Variants in ASB11 observed in about 807,000 individuals in gnomAD.
ASB11 encodes the protein ankyrin repeat and SOCS box containing 11, also known as ankyrin repeat and SOCS box protein 11.
A neutral mutation model predicts 20.1 loss-of-function variants in ASB11; 17 were observed. The observed-to-expected ratio is 0.85, with a 90% CI of 0.58 to 1.27. The LOEUF (loss-of-function observed/expected upper bound fraction) is 1.27. Among genes scored for constraint, ASB11 ranks in the 50% most tolerant of loss-of-function variants. ASB11 has a pLI of 0.00. For missense variants in ASB11, 259 were observed against 256.9 expected (o/e 1.01, Z -0.06); for synonymous variants, 107 against 105.6 (o/e 1.01, Z -0.08).
At position 15,283,509 on chromosome X, in the gene ASB11, T is replaced by A; in HGVS notation, c.968A>T (p.Gln323Leu). 5.0e-6 allele frequency: 6 copies of A among 1,210,653 alleles called. No individual in the cohort carries two copies. The highest frequency in any genetic ancestry group is 6.7e-6 in the Non-Finnish European group (6 of 894,903). ...PEPLERFLLY[Q>L] ...TCTTCCCAGGAACACTTAGGACTATTGGTATAGGAGGAATCGTTCGAGTGG... is the reference window on the plus strand; with the variant it reads ...TCTTCCCAGGAACACTTAGGACTATAGGTATAGGAGGAATCGTTCGAGTGG... Residue 323 changes from glutamine to leucine, a missense_variant, in exon 7 of 7, where the codon CAA (glutamine) becomes CTA (leucine). Gln to Leu is a moderately radical substitution (Grantham distance 113). Transcript: ENST00000480796.
intron 6 of ASB11, among the ~76,000 whole-genome samples, chrX:15,284,143 T>C (rs1306892032): frequency 9.6e-6 from 1 of 104,575 alleles, no homozygotes; most frequent in Non-Finnish European, 1.9e-5. Context: ...TCCCAGCTAC[T>C]CGGGAGGCTG....
Position 15,293,296 on chromosome X carries a change from C to T in ASB11, c.394G>A (p.Ala132Thr). The T allele has an allele frequency of 8.3e-7, 1 of 1,209,355 alleles. No homozygotes were observed. Among genetic ancestry groups the T allele is most frequent in the South Asian group, 1.8e-5 (1 of 56,449 alleles). The change falls in exon 4 of 7, where the codon GCC becomes ACC. Residue 132 changes from alanine (A) to threonine (T), a missense_variant. Transcript: ENST00000480796. The part of the protein sequence containing the change: ...AHVNGVTVHG[A>T]TPLFNACCSG... ...CAGCAAGCATTGAAGAGGGGTGTGGCTCCGTGAACTGTCACTCCATTGACC... is the reference window on the plus strand; with the variant it reads ...CAGCAAGCATTGAAGAGGGGTGTGGTTCCGTGAACTGTCACTCCATTGACC...
At chrX:15,309,694 G>A (rs1279829660) in intron 1 of ASB11, among the ~76,000 whole-genome samples, 1 of 109,854 alleles carries the variant, frequency 9.1e-6, no homozygotes, top group Non-Finnish European at 1.9e-5. Context: ...AGGGCTGGGT[G>A]CAGTGGCTCA....
At chrX:15,299,991 A>G (rs906335604) in intron 2 of ASB11, among the ~76,000 whole-genome samples, 1 of 112,060 alleles carries the variant, frequency 8.9e-6, no homozygotes, top group Non-Finnish European at 1.9e-5. Context: ...TGACTCCTGA[A>G]TTCTGTCTAT....
chrX:15,298,612 A>G (rs984675219), intron 2 of ASB11, among the ~76,000 whole-genome samples: 8 of 111,443 alleles, frequency 7.2e-5, no homozygotes, highest in African/African-American at 2.6e-4. Flanking sequence ...GGTTGATTGC[A>G]GGAGTAGGGA....
At chrX:15,304,105 G>C (rs1319503953) in intron 1 of ASB11, among the ~76,000 whole-genome samples, 5 of 112,767 alleles carry the variant, frequency 4.4e-5, no homozygotes, top group Non-Finnish European at 7.5e-5. Context: ...TAACACAAAG[G>C]CTCCTCAACC....
At chrX:15,300,527 T>G (rs1020391628) in intron 2 of ASB11, among the ~76,000 whole-genome samples, 3 of 112,445 alleles carry the variant, frequency 2.7e-5, no homozygotes, top group Non-Finnish European at 5.6e-5. Flanking sequence ...AAGAAAAAGT[T>G]GAACTTTTGT....
rs758506121 is a variant in ASB11, at chrX:15,282,452, C to T, written c.*1053G>A. 7.2e-5 allele frequency: 8 copies of T among 111,079 alleles called. No homozygotes were observed. Among genetic ancestry groups the T allele is most frequent in the Non-Finnish European group, 1.5e-4 (8 of 53,033 alleles). The allele number at this position is 111,079 out of a possible 1,213,427, so 9.2% of individuals were successfully genotyped here. On this transcript the variant is annotated 3_prime_UTR_variant, in exon 7 of 7. Coordinates refer to ENST00000480796, the MANE Select transcript of ASB11 (RefSeq NM_080873.3). ...CTTTGTGCTTATTTTGGGCCCCTAT[C>T]CACAGAAAAAAATATTGACCCAGCA...
Position 15,297,684 on chromosome X carries a change from A to G in ASB11, c.262-3T>C. 3 of 1,197,543 alleles carry G rather than the reference A, an allele frequency of 2.5e-6. No individual in the cohort carries two copies. Among genetic ancestry groups the G allele is most frequent in the East Asian group, 3.0e-5 (1 of 33,639 alleles). On this transcript the variant is annotated splice_polypyrimidine_tract_variant and splice_region_variant and intron_variant, in intron 2 of 6. Transcript: ENST00000480796. ...GTCACAAGGTTCACATTGACACCCT[A>G]TAATTTAGAAAGAAGAGAGTTTATT...
Position 15,281,706 on chromosome X carries a change from T to TTTTTG in ASB11, c.*1794_*1798dup, listed in dbSNP as rs1927183964. ...TTTCTTTCTTTCTTTCTTTTTTTTT[T>TTTTTG]TTTTGTTTTGAGACGGAGTCTCGCT... On this transcript the variant is annotated 3_prime_UTR_variant, in exon 7 of 7. Transcript: ENST00000480796. 9.5e-6 allele frequency: 1 copy of TTTTTG among 104,806 alleles called. No homozygotes were observed. Among genetic ancestry groups the TTTTTG allele is most frequent in the Non-Finnish European group, 2.0e-5 (1 of 50,828 alleles). The allele number at this position is 104,806 out of a possible 1,213,427, so 8.6% of individuals were successfully genotyped here.
At chrX:15,283,942 T>C (rs1927268876) in intron 6 of ASB11, among the ~76,000 whole-genome samples, 1 of 111,194 alleles carries the variant, frequency 9.0e-6, no homozygotes, top group East Asian at 2.8e-4. Context: ...CATTCATGTA[T>C]TGAATGTGCC....
intron 1 of ASB11, among the ~76,000 whole-genome samples, chrX:15,312,308 G>A (rs1921452772): frequency 9.6e-6 from 1 of 104,144 alleles, no homozygotes; most frequent in Non-Finnish European, 1.9e-5. Context: ...GTCAACCATG[G>A]CTTAATTCAA....
chrX:15,310,413 A>G (rs1318574218), intron 1 of ASB11, among the ~76,000 whole-genome samples: 2 of 112,242 alleles, frequency 1.8e-5, no homozygotes, highest in Non-Finnish European at 3.8e-5. Flanking sequence ...AGTTTACTCT[A>G]CAAATATGTT....
chrX:15,305,356 G>A (rs1430865792), intron 1 of ASB11, among the ~76,000 whole-genome samples: 1 of 111,363 alleles, frequency 9.0e-6, no homozygotes, highest in Non-Finnish European at 1.9e-5. Flanking sequence ...CCAAACTGAG[G>A]GGACATTTTA....
In ASB11 at chrX:15,289,658, C is replaced by T. The variant is rs376929958; in HGVS notation, c.521-20G>A. The T allele has an allele frequency of 6.7e-6, 8 of 1,195,260 alleles. No homozygotes were observed. The highest frequency in any genetic ancestry group is 1.8e-5 in the African/African-American group (1 of 56,547). On this transcript the variant is annotated intron_variant, in intron 4 of 6. Transcript: ENST00000480796. ...TGTGACCTGGTGGAACACAAGATAC[C>T]CTCACTCAAGTAAGGGACATATTAA...
At chrX:15,313,585 T>G (rs1049597909) in intron 1 of ASB11, among the ~76,000 whole-genome samples, 2 of 111,653 alleles carry the variant, frequency 1.8e-5, no homozygotes, top group African/African-American at 6.5e-5. Context: ...TTTTTGACCT[T>G]AGAATACTAT....
intron 6 of ASB11, 138 bp downstream of exon 6, chrX:15,287,743 G>A: frequency 5.7e-6 from 4 of 696,157 alleles, no homozygotes; most frequent in Non-Finnish European, 8.2e-6. Context: ...ACAGGTCAGT[G>A]ACGGCAGGGC....
At chrX:15,298,109 G>T (rs1602191926) in intron 2 of ASB11, among the ~76,000 whole-genome samples, 2 of 112,149 alleles carry the variant, frequency 1.8e-5, no homozygotes, top group Middle Eastern at 9.3e-3. Context: ...TGGGGAGGCA[G>T]AAATGAAAGA....
Position 15,293,166 on chromosome X carries a change from T to G in ASB11, c.520+4A>C, listed in dbSNP as rs1319302383. The G allele has an allele frequency of 1.7e-6, 2 of 1,204,806 alleles. No homozygotes were observed. Among genetic ancestry groups the G allele is most frequent in the Non-Finnish European group, 2.2e-6 (2 of 893,050 alleles). On this transcript the variant is annotated splice_donor_region_variant and intron_variant, in intron 4 of 6. Coordinates refer to ENST00000480796, the MANE Select transcript of ASB11 (RefSeq NM_080873.3). ...TTTCACATGCATTGTGGTGGCTCATTTACCTCTCTTCACTGCCTCATGGAT... is the reference window on the plus strand; with the variant it reads ...TTTCACATGCATTGTGGTGGCTCATGTACCTCTCTTCACTGCCTCATGGAT...
Sources: gnomAD v4.1 joint callset for allele counts (sites outside exome capture counted in the v4.1 genomes callset) on GRCh38, gnomAD v4.1.1 for gene constraint, MANE v1.5 for transcripts, NCBI Gene and HGNC (gene_info 2026-07-23, HGNC 2026-07-21) for gene names.